SNTG1: variants seen among roughly 807,000 people sequenced by gnomAD.
The protein encoded by SNTG1 is gamma-1-syntrophin.
Under a neutral mutation model 74.7 loss-of-function variants are expected in SNTG1, and 39 were observed. The ratio of observed to expected loss-of-function variants is 0.52; its 90% CI spans 0.40 to 0.68. The LOEUF is 0.68. Among genes scored for constraint, SNTG1 ranks in the 30% least tolerant of loss-of-function variants. SNTG1 has a pLI of 0.00. For missense variants in SNTG1, 685 were observed against 609.5 expected (o/e 1.12, Z -1.30); for synonymous variants, 254 against 217.1 (o/e 1.17, Z -1.49).
chr8:50,629,444 A>T (rs1289599342), intron 13 of SNTG1, among the ~76,000 whole-genome samples: 1 of 152,098 alleles, frequency 6.6e-6, no homozygotes, highest in Non-Finnish European at 1.5e-5. Flanking sequence ...CTCAATTTAG[A>T]TATTAGGATA....
At chr8:50,597,064 C>CCCT (rs1387490866) in intron 13 of SNTG1, among the ~76,000 whole-genome samples, 2 of 151,664 alleles carry the variant, frequency 1.3e-5, no homozygotes, top group Non-Finnish European at 2.9e-5. Context: ...TCCCAATCTC[C>CCCT]CCTCACTCTT....
At chr8:50,003,758 G>C (rs192736723) in intron 1 of SNTG1, among the ~76,000 whole-genome samples, 2 of 152,054 alleles carry the variant, frequency 1.3e-5, no homozygotes, top group Non-Finnish European at 2.9e-5. Flanking sequence ...CCTCTAGGGG[G>C]AATAAAAATG....
At chr8:50,608,467 A>G (rs1428775965) in intron 13 of SNTG1, among the ~76,000 whole-genome samples, 2 of 151,692 alleles carry the variant, frequency 1.3e-5, no homozygotes, top group African/African-American at 4.8e-5. Flanking sequence ...TTTTCTGTAT[A>G]ATATTTCTTG....
At chr8:50,542,555 G>A (rs944261049) in intron 11 of SNTG1, among the ~76,000 whole-genome samples, 1 of 152,126 alleles carries the variant, frequency 6.6e-6, no homozygotes, top group African/African-American at 2.4e-5. Flanking sequence ...ATAAACATAG[G>A]AGCACAGATG....
intron 15 of SNTG1, among the ~76,000 whole-genome samples, chr8:50,660,269 A>G (rs1437471268): frequency 6.9e-6 from 1 of 145,306 alleles, no homozygotes; most frequent in Non-Finnish European, 1.5e-5. Context: ...AAGGAGAGAG[A>G]GAGAGAAAGA....
At chr8:50,216,065 G>A (rs2084777588) in intron 2 of SNTG1, among the ~76,000 whole-genome samples, 1 of 152,124 alleles carries the variant, frequency 6.6e-6, no homozygotes, top group Non-Finnish European at 1.5e-5. Flanking sequence ...CCTGAAAAAT[G>A]TCTGATTCTT....
At chr8:50,438,110 C>A (rs916204037) in intron 4 of SNTG1, among the ~76,000 whole-genome samples, 1 of 152,092 alleles carries the variant, frequency 6.6e-6, no homozygotes. Context: ...GCTTAGCTCC[C>A]GAATTCCAGG....
At chr8:50,620,033 T>G (rs138145661) in intron 13 of SNTG1, among the ~76,000 whole-genome samples, 1 of 152,162 alleles carries the variant, frequency 6.6e-6, no homozygotes, top group African/African-American at 2.4e-5. Flanking sequence ...GGTCTGAAGA[T>G]GCACATGAGT....
chr8:49,973,402 T>C (rs2129994350), intron 1 of SNTG1, among the ~76,000 whole-genome samples: 2 of 151,962 alleles, frequency 1.3e-5, no homozygotes, highest in East Asian at 3.9e-4. Flanking sequence ...TTAGAAGATA[T>C]ACCTAATGTT....
rs929426584 is a variant in SNTG1, at chr8:50,123,211, G to C, written c.-102-49350G>C. ...GCATTGCAGAATGTACATAAATACA[G>C]ACTAGTGGCTGATGGTAATTATTGT... On this transcript the variant is annotated intron_variant, in intron 1 of 18. Coordinates refer to ENST00000642720, the MANE Select transcript of SNTG1 (RefSeq NM_018967.5). Among the ~76,000 whole-genome samples the C allele has an allele frequency of 3.5e-5, 5 of 143,052 alleles. 1 individual carries two copies. The highest frequency in any genetic ancestry group is 7.8e-5 in the Non-Finnish European group (5 of 64,076). 93.8% of individuals were successfully genotyped at this position (143,052 alleles called of 152,430 possible).
At chr8:50,705,294 A>T (rs1043308296) in intron 16 of SNTG1, among the ~76,000 whole-genome samples, 16 of 151,742 alleles carry the variant, frequency 1.1e-4, no homozygotes, top group African/African-American at 3.9e-4. Flanking sequence ...TCTTCTTCTC[A>T]CTTTTGAACA....
At chr8:50,090,112 A>T (rs1463205100) in intron 1 of SNTG1, among the ~76,000 whole-genome samples, 1 of 152,222 alleles carries the variant, frequency 6.6e-6, no homozygotes, top group Non-Finnish European at 1.5e-5. Flanking sequence ...TTAAGTAAAC[A>T]TCAATTAATT....
chr8:49,988,781 A>G lies in SNTG1; in HGVS notation c.-103+76550A>G, dbSNP rs117426668. ...TGCATAGAACTTAAGCACTACATAG[A>G]GATAAATTTATAGATTATATGCCTA... On this transcript the variant is annotated intron_variant, in intron 1 of 18. Transcript: ENST00000642720. 6.2e-4 allele frequency among the ~76,000 whole-genome samples: 94 copies of G among 152,250 alleles called. No homozygotes were observed. The East Asian group carries it at 0.015, about 25-fold the overall frequency.
At chr8:50,274,223 A>T (rs565463660) in intron 2 of SNTG1, among the ~76,000 whole-genome samples, 3 of 152,028 alleles carry the variant, frequency 2.0e-5, no homozygotes, top group African/African-American at 7.2e-5. Context: ...AGTAGCTGGG[A>T]TTACAGATGC....
At chr8:50,199,901 G>A (rs1226518474) in intron 2 of SNTG1, among the ~76,000 whole-genome samples, 1 of 152,146 alleles carries the variant, frequency 6.6e-6, no homozygotes, top group Non-Finnish European at 1.5e-5. Flanking sequence ...AACAAAATTA[G>A]GGAACCTGTA....
At chr8:50,761,326 C>T (rs2095598208) in intron 18 of SNTG1, among the ~76,000 whole-genome samples, 1 of 151,944 alleles carries the variant, frequency 6.6e-6, no homozygotes, top group African/African-American at 2.4e-5. Context: ...ACAAACTTGC[C>T]TTCAGTAATG....
At chr8:50,185,011 T>C (rs546838855) in intron 2 of SNTG1, among the ~76,000 whole-genome samples, 2 of 152,304 alleles carry the variant, frequency 1.3e-5, no homozygotes, top group African/African-American at 4.8e-5. Flanking sequence ...CTTTCTGACA[T>C]TGATTCCTCT....
rs1360844188 is a variant in SNTG1 at position 50,361,913 on chromosome 8, A to T, written c.-27-32299A>T. Among the ~76,000 whole-genome samples the T allele has an allele frequency of 3.3e-5, 5 of 152,316 alleles. No individual in the cohort carries two copies. In the Middle Eastern group the frequency reaches 0.01, roughly 311 times the overall value. On this transcript the variant is annotated intron_variant, in intron 2 of 18. Coordinates refer to ENST00000642720, the MANE Select transcript of SNTG1 (RefSeq NM_018967.5). The stretch of plus-strand genomic sequence containing the variant: ...TAGAAAAATACAGTAAAAGTGTAGT[A>T]AAAATATGATACAAAAGATTAAAAA...
chr8:50,358,784 A>G (rs1166122411), intron 2 of SNTG1, among the ~76,000 whole-genome samples: 2 of 152,232 alleles, frequency 1.3e-5, no homozygotes, highest in Admixed American at 6.5e-5. Context: ...AAAAATTACC[A>G]CTTTCAATGC....
Sources: gnomAD v4.1 joint callset for allele counts (sites outside exome capture counted in the v4.1 genomes callset) on GRCh38, gnomAD v4.1.1 for gene constraint, MANE v1.5 for transcripts, NCBI Gene and HGNC (gene_info 2026-07-23, HGNC 2026-07-21) for gene names.